Variants in SUGP1 observed in about 807,000 individuals in gnomAD.
SUGP1 encodes the protein SURP and G-patch domain containing 1.
SUGP1 carries 34 observed loss-of-function variants against 76.5 expected under a neutral mutation model. That is an observed-to-expected ratio of 0.44 (90% CI 0.34 to 0.59). SUGP1 has a LOEUF of 0.59. Among genes scored for constraint, SUGP1 ranks in the 20% least tolerant of loss-of-function variants. SUGP1 has a pLI of 0.01. For synonymous variants in SUGP1, 326 were observed against 326.2 expected (o/e 1.00, Z 0.01); for missense variants, 752 against 851.7 (o/e 0.88, Z 1.46).
chr19:19,295,094 T>C (rs1276228006), intron 8 of SUGP1, among the ~76,000 whole-genome samples: 3 of 151,928 alleles, frequency 2.0e-5, no homozygotes, highest in Non-Finnish European at 4.4e-5. Context: ...GCCCAGGAGT[T>C]CGAGATCAGC....
intron 2 of SUGP1, among the ~76,000 whole-genome samples, chr19:19,313,352 G>A (rs1380494281): frequency 6.6e-6 from 1 of 152,064 alleles, no homozygotes; most frequent in African/African-American, 2.4e-5. Context: ...CCAAGATCGC[G>A]CCATTGCACT....
At chr19:19,311,295 G>A (rs964669419) in intron 2 of SUGP1, among the ~76,000 whole-genome samples, 2 of 151,092 alleles carry the variant, frequency 1.3e-5, no homozygotes, top group Non-Finnish European at 2.9e-5. Flanking sequence ...TTGCCTTTGT[G>A]CTAACTTGTT....
intron 2 of SUGP1, among the ~76,000 whole-genome samples, chr19:19,315,372 G>A (rs11668104): frequency 0.13 from 19,471 of 151,344 alleles, 1,368 homozygotes; most frequent in African/African-American, 0.18. Context: ...CAAGGCCTTG[G>A]GGAAGGTTAA....
chr19:19,318,847 C>T (rs1330898720), intron 1 of SUGP1, among the ~76,000 whole-genome samples: 1 of 152,128 alleles, frequency 6.6e-6, no homozygotes, highest in Admixed American at 6.6e-5. Flanking sequence ...ACAATGATGT[C>T]TTCAGACTAG....
intron 1 of SUGP1, among the ~76,000 whole-genome samples, chr19:19,317,127 ACT>A (rs1207793023): frequency 1.3e-5 from 2 of 148,966 alleles, no homozygotes; most frequent in East Asian, 2.0e-4. Context: ...ACAGAGCAAG[ACT>A]CTGTCTCAAA....
intron 1 of SUGP1, among the ~76,000 whole-genome samples, chr19:19,319,478 C>T (rs185946202): frequency 3.3e-5 from 5 of 151,794 alleles, no homozygotes; most frequent in East Asian, 3.9e-4. Flanking sequence ...CACACCTTTA[C>T]GTAACCCCAG....
chr19:19,296,172 A>T (rs1359831287), intron 8 of SUGP1, among the ~76,000 whole-genome samples: 1 of 152,018 alleles, frequency 6.6e-6, no homozygotes. Context: ...TTTTATTTTA[A>T]AAAAAGGTGA....
In SUGP1 at chr19:19,276,405, G is replaced by A; in HGVS notation, c.*243C>T. 5 of 513,632 alleles carry A rather than the reference G, an allele frequency of 9.7e-6. No individual in the cohort carries two copies. In the South Asian group the frequency reaches 1.1e-4, roughly 12 times the overall value. The allele number at this position is 513,632 out of a possible 1,614,324, so 31.8% of individuals were successfully genotyped here. A position where few individuals can be genotyped will look rare whatever the true frequency, so the allele number is the denominator to read the frequency against. On this transcript the variant is annotated 3_prime_UTR_variant, in exon 14 of 14. Coordinates refer to ENST00000247001, the MANE Select transcript of SUGP1 (RefSeq NM_172231.4). ...TCTTCCTCCCCTCCAGTGCAACCCA[G>A]GCTGAGCGGGGATGGAGACTCCACA...
chr19:19,278,422 C>T (rs960224163), intron 11 of SUGP1, among the ~76,000 whole-genome samples: 1 of 152,212 alleles, frequency 6.6e-6, no homozygotes, highest in African/African-American at 2.4e-5. Context: ...AACACTTTGC[C>T]TGTAAACTGC....
At chr19:19,276,708 G>A in intron 13 of SUGP1, 34 bp from the exon 14 acceptor site, 1 of 1,613,984 alleles carries the variant, frequency 6.2e-7, no homozygotes, top group Non-Finnish European at 8.5e-7. Context: ...AGGAGGAGGG[G>A]ATTAGCACTA....
At chr19:19,317,265 C>G (rs908889143) in intron 1 of SUGP1, among the ~76,000 whole-genome samples, 3 of 151,880 alleles carry the variant, frequency 2.0e-5, no homozygotes, top group Admixed American at 2.0e-4. Context: ...GAAGAGGAGA[C>G]ATTTAAACCA....
At chr19:19,296,839 A>C (rs889830713) in intron 8 of SUGP1, 150 bp downstream of exon 8, 11 of 647,230 alleles carry the variant, frequency 1.7e-5, no homozygotes, top group Non-Finnish European at 2.7e-5. Flanking sequence ...TGGGTAAGCC[A>C]AATGTGGTAT....
In SUGP1 at chr19:19,316,358, C is replaced by T. The variant is rs887524697; in HGVS notation, c.206+64G>A. 27 of 1,589,892 alleles carry T rather than the reference C, an allele frequency of 1.7e-5. No homozygotes were observed. The Middle Eastern group carries it at 6.7e-4, about 39-fold the overall frequency. ...ATGCTGACTGCCCTCACAAGCCAAA[C>T]CCTGTGCTGGTGACCCTCAAAGACT... On this transcript the variant is annotated intron_variant, in intron 2 of 13. Coordinates refer to ENST00000247001, the MANE Select transcript of SUGP1 (RefSeq NM_172231.4).
intron 8 of SUGP1, among the ~76,000 whole-genome samples, chr19:19,292,155 C>T (rs1036318671): frequency 2.0e-5 from 3 of 150,624 alleles, no homozygotes; most frequent in African/African-American, 4.9e-5. Context: ...TGCCTGTAAT[C>T]CCAGCTACTC....
At chr19:19,313,410 T>C (rs1474098957) in intron 2 of SUGP1, among the ~76,000 whole-genome samples, 2 of 151,756 alleles carry the variant, frequency 1.3e-5, no homozygotes, top group East Asian at 1.9e-4. Flanking sequence ...TAAAAAAAAA[T>C]TGTTAGACAA....
rs371791944 is a variant in SUGP1 at position 19,320,471 on chromosome 19, T to A, written c.26A>T (p.Asp9Val). MSLKMDNR[D>V]VAGKANRWFG... ...GAGGCGGGGGCTGTTACCTGCAACA[T>A]CCCGGTTGTCCATCTTGAGACTCAT... The change falls in exon 1 of 14, where the codon GAT becomes GTT. Residue 9 changes from aspartate (D) to valine (V), a missense_variant. By Grantham distance (152) the Asp-to-Val change is radical. Transcript: ENST00000247001. The A allele has an allele frequency of 1.9e-6, 3 of 1,609,640 alleles. No individual in the cohort carries two copies. The African/African-American group carries it at 4.0e-5, about 22-fold the overall frequency.
At position 19,303,770 on chromosome 19, in the gene SUGP1, A is replaced by G; in HGVS notation, c.616T>C (p.Leu206=). 6.2e-7 allele frequency: 1 copy of G among 1,614,098 alleles called. No individual in the cohort carries two copies. Among genetic ancestry groups the G allele is most frequent in the South Asian group, 1.1e-5 (1 of 91,080 alleles). Residue 206 remains leucine (L), a synonymous_variant, in exon 5 of 14, where the codon TTA becomes CTA. Transcript: ENST00000247001. Reference sequence around the variant, plus strand: ...TAGTCCTCCATAGCTACTTTTTCTAACTCGGGGCCTCCTTCTGCCACAAAG... The same window carrying G: ...TAGTCCTCCATAGCTACTTTTTCTAGCTCGGGGCCTCCTTCTGCCACAAAG... ...ARFVAEGGPE[L]EKVAMEDYKD... is the part of the protein sequence containing the mutation.
intron 8 of SUGP1, among the ~76,000 whole-genome samples, chr19:19,283,864 C>G (rs1167464131): frequency 6.6e-6 from 1 of 152,232 alleles, no homozygotes; most frequent in East Asian, 1.9e-4. Context: ...GGATTACAGG[C>G]GTGAGCCACT....
At chr19:19,320,125 G>A (rs2061430512) in intron 1 of SUGP1, among the ~76,000 whole-genome samples, 1 of 152,254 alleles carries the variant, frequency 6.6e-6, no homozygotes, top group African/African-American at 2.4e-5. Flanking sequence ...CAGCTGCGAC[G>A]AAAAGAGGGG....
Sources: allele counts gnomAD v4.1 joint callset (sites outside exome capture counted in the v4.1 genomes callset), GRCh38; gene constraint gnomAD v4.1.1; transcripts MANE v1.5; gene names NCBI Gene and HGNC (gene_info 2026-07-23, HGNC 2026-07-21).